The following GGA2 variants were observed in gnomAD, a reference collection of about 807,000 sequenced individuals.
GGA2 encodes ADP-ribosylation factor-binding protein GGA2.
GGA2 carries 48 observed loss-of-function variants against 79.5 expected under a neutral mutation model. That is an observed-to-expected ratio of 0.60 (90% CI 0.48 to 0.77). GGA2 has a LOEUF of 0.77. Ranked by LOEUF, GGA2 falls within the 30% of genes least tolerant of loss-of-function variation. The pLI, the probability that GGA2 is intolerant of heterozygous loss-of-function variation, is 0.00. For synonymous variants in GGA2, 317 were observed against 302.0 expected (o/e 1.05, Z -0.51); for missense variants, 770 against 774.0 (o/e 0.99, Z 0.06).
At position 23,475,105 on chromosome 16, in the gene GGA2, C is replaced by T. The variant is rs182092539; in HGVS notation, c.1293-44G>A. ...TATCAAAGACTAGCAAAAATTGTAG[C>T]GATTTCCTGGAATCTGGGTTAGGCT... On this transcript the variant is annotated intron_variant, in intron 13 of 16. Coordinates refer to ENST00000309859, the MANE Select transcript of GGA2 (RefSeq NM_015044.4). The T allele has an allele frequency of 1.8e-4, 230 of 1,287,874 alleles. 1 individual carries two copies. The African/African-American group carries it at 2.6e-3, about 14-fold the overall frequency. The allele number at this position is 1,287,874 out of a possible 1,614,324, so 79.8% of individuals were successfully genotyped here. A position where few individuals can be genotyped will look rare whatever the true frequency, so the allele number is the denominator to read the frequency against.
At position 23,478,805 on chromosome 16, in the gene GGA2, G is replaced by C. The variant is rs116760637; in HGVS notation, c.1158+78C>G. On this transcript the variant is annotated intron_variant, in intron 12 of 16. Coordinates refer to ENST00000309859, the MANE Select transcript of GGA2 (RefSeq NM_015044.4). ...ACAGTGCAGGAGCACCTCTCTGCTC[G>C]CCAGGCAGTGCTGCCTCACAAGGGC... 71 of 1,018,138 alleles carry C rather than the reference G, an allele frequency of 7.0e-5. No homozygotes were observed. In the Middle Eastern group the frequency reaches 8.1e-4, roughly 12 times the overall value. The allele number at this position is 1,018,138 out of a possible 1,614,324, so 63.1% of individuals were successfully genotyped here. A position where few individuals can be genotyped will look rare whatever the true frequency, so the allele number is the denominator to read the frequency against.
At chr16:23,473,410 C>T (rs956913232) in intron 14 of GGA2, among the ~76,000 whole-genome samples, 5 of 136,016 alleles carry the variant, frequency 3.7e-5, no homozygotes, top group Non-Finnish European at 7.7e-5. Context: ...GATCTCAGCT[C>T]ACTGCAACTT....
rs1964456970 is a variant in GGA2 at position 23,467,586 on chromosome 16, A to C, written c.*4T>G. 6.9e-7 allele frequency: 1 copy of C among 1,454,240 alleles called. No individual in the cohort carries two copies. Among genetic ancestry groups the C allele is most frequent in the Non-Finnish European group, 9.7e-7 (1 of 1,035,532 alleles). The allele number at this position is 1,454,240 out of a possible 1,614,324, so 90.1% of individuals were successfully genotyped here. ...TTGAAATGAAGGGTCCATCTTGTGA[A>C]AAGTTAGGCTGCGCCCAAGACAGCC... On this transcript the variant is annotated 3_prime_UTR_variant, in exon 17 of 17. Coordinates refer to ENST00000309859, the MANE Select transcript of GGA2 (RefSeq NM_015044.4).
intron 16 of GGA2, 135 bp from the exon 17 acceptor site, chr16:23,467,835 A>G (rs1222798128): frequency 3.1e-6 from 2 of 649,858 alleles, no homozygotes; most frequent in African/African-American, 3.6e-5. Context: ...ACTACAAACA[A>G]GGGGAAACAG....
At position 23,475,632 on chromosome 16, in the gene GGA2, G is replaced by A. The variant is rs113111137; in HGVS notation, c.1293-571C>T. On this transcript the variant is annotated intron_variant, in intron 13 of 16. Transcript: ENST00000309859. ...TGAAAAGCACTTAGAGGCTGGGCAC[G>A]GTGGCTCACGCCTGTAATCCCAGCA... is the stretch of plus-strand genomic sequence containing the variant. Among the ~76,000 whole-genome samples, 728 of 151,850 alleles carry A rather than the reference G, an allele frequency of 4.8e-3. 4 individuals carry two copies. Among genetic ancestry groups the A allele is most frequent in the Non-Finnish European group, 7.9e-3 (540 of 67,946 alleles).
At chr16:23,515,791 G>A (rs561350983) in intron 2 of GGA2, among the ~76,000 whole-genome samples, 3 of 151,986 alleles carry the variant, frequency 2.0e-5, no homozygotes, top group Non-Finnish European at 4.4e-5. Context: ...GGCTTTCCTG[G>A]GTCTCCAGCT....
rs1185041523 is a variant in GGA2 at position 23,502,047 on chromosome 16, T to C, written c.92-6269A>G. ...ACCCACAGTCCCTAGCATGTGACAG[T>C]GGTCTGAGCTGAGCTGGAGTCCAAA... is the stretch of plus-strand genomic sequence containing the variant. On this transcript the variant is annotated intron_variant, in intron 1 of 16. Coordinates refer to ENST00000309859, the MANE Select transcript of GGA2 (RefSeq NM_015044.4). 3.3e-5 allele frequency among the ~76,000 whole-genome samples: 5 copies of C among 152,326 alleles called. No homozygotes were observed. The East Asian group carries it at 5.8e-4, about 18-fold the overall frequency.
At chr16:23,514,774 G>T (rs545101591), upstream of GGA2, among the ~76,000 whole-genome samples, 1 of 152,230 alleles carries the variant, frequency 6.6e-6, no homozygotes, top group East Asian at 1.9e-4. Context: ...TGTTGGCCAT[G>T]ACCCTTTGGA....
intron 12 of GGA2, 136 bp from the exon 13 acceptor site, chr16:23,478,637 G>A: frequency 1.2e-6 from 1 of 869,308 alleles, no homozygotes; most frequent in South Asian, 1.4e-5. Flanking sequence ...GGCAAGAGGG[G>A]AAAGAAAGGG....
At position 23,501,359 on chromosome 16, in the gene GGA2, GA is replaced by G. The variant is rs1196885691; in HGVS notation, c.92-5582del. 8.8e-6 allele frequency: 4 copies of G among 456,436 alleles called. No homozygotes were observed. The Admixed American group carries it at 9.5e-5, about 11-fold the overall frequency. 28.3% of individuals were successfully genotyped at this position (456,436 alleles called of 1,614,324 possible). On this transcript the variant is annotated intron_variant, in intron 1 of 16. Coordinates refer to ENST00000309859, the MANE Select transcript of GGA2 (RefSeq NM_015044.4). ...AAATCATGGTCTGTGGAGTGTGGAT[GA>G]CAGCCAGAATCCCAAGGACATTGCA...
chr16:23,481,592 G>A (rs1964649325), intron 9 of GGA2, among the ~76,000 whole-genome samples: 1 of 152,196 alleles, frequency 6.6e-6, no homozygotes, highest in South Asian at 2.1e-4. Flanking sequence ...GGCCAACATG[G>A]CAAAACTCCA....
Position 23,491,543 on chromosome 16 carries a change from A to C in GGA2, c.475+134T>G, listed in dbSNP as rs1249702079. On this transcript the variant is annotated intron_variant, in intron 5 of 16. Coordinates refer to ENST00000309859, the MANE Select transcript of GGA2 (RefSeq NM_015044.4). The stretch of plus-strand genomic sequence containing the variant: ...AGATTTATTGCGTAAAAAAAAAAAA[A>C]AAAAACTCTACCTCAGTGTCTATGG... The C allele has an allele frequency of 7.0e-6, 4 of 568,962 alleles. No homozygotes were observed. In the Admixed American group the frequency reaches 1.0e-4, roughly 14 times the overall value. 35.2% of individuals were successfully genotyped at this position (568,962 alleles called of 1,614,324 possible).
At chr16:23,471,530 G>A (rs1964511020) in intron 14 of GGA2, among the ~76,000 whole-genome samples, 1 of 151,962 alleles carries the variant, frequency 6.6e-6, no homozygotes, top group African/African-American at 2.4e-5. Flanking sequence ...AAAAATCAGG[G>A]CTGGCTCAAT....
intron 8 of GGA2, among the ~76,000 whole-genome samples, chr16:23,485,760 T>C (rs1220931927): frequency 1.3e-5 from 2 of 152,192 alleles, no homozygotes; most frequent in Non-Finnish European, 2.9e-5. Flanking sequence ...GAGGGTTATG[T>C]ACTGCATCAT....
At chr16:23,520,376 T>C (rs1398465551) in intron 1 of GGA2, among the ~76,000 whole-genome samples, 1 of 151,982 alleles carries the variant, frequency 6.6e-6, no homozygotes, top group Non-Finnish European at 1.5e-5. Flanking sequence ...GAAAGTCACA[T>C]GTGAATAAGG....
At chr16:23,516,265 G>T (rs1295480154) in intron 2 of GGA2, among the ~76,000 whole-genome samples, 1 of 152,066 alleles carries the variant, frequency 6.6e-6, no homozygotes, top group East Asian at 1.9e-4. Flanking sequence ...TCTTGCCTCG[G>T]CTTCCCAAAG....
chr16:23,475,180 GT>G, intron 13 of GGA2, 119 bp from the exon 14 acceptor site: 1 of 462,804 alleles, frequency 2.2e-6, no homozygotes, highest in Non-Finnish European at 3.9e-6. Flanking sequence ...AGAGTTAGAT[GT>G]TATATGCCTT....
chr16:23,480,038 G>A, intron 10 of GGA2, 151 bp from the exon 11 acceptor site: 1 of 698,040 alleles, frequency 1.4e-6, no homozygotes, highest in South Asian at 1.9e-5. Flanking sequence ...TGAGTGTCCT[G>A]ACACACAAGC....
At chr16:23,487,086 A>G (rs2142127340) in intron 6 of GGA2, among the ~76,000 whole-genome samples, 1 of 150,920 alleles carries the variant, frequency 6.6e-6, no homozygotes, top group Admixed American at 6.6e-5. Context: ...GGTTCAAGCA[A>G]TTCTCCTGCC....
Sources: gnomAD v4.1 joint callset for allele counts (sites outside exome capture counted in the v4.1 genomes callset) on GRCh38, gnomAD v4.1.1 for gene constraint, MANE v1.5 for transcripts, NCBI Gene and HGNC (gene_info 2026-07-23, HGNC 2026-07-21) for gene names.